Variants in THBS2 observed in about 807,000 individuals in gnomAD.
THBS2 encodes thrombospondin-2.
In THBS2, 47 loss-of-function variants were observed where a neutral mutation model predicts 135.2. That is an observed-to-expected ratio of 0.35 (90% confidence interval 0.28 to 0.44). THBS2 has a LOEUF of 0.44. THBS2 is among the 20% of genes least tolerant of loss of function. THBS2 has a pLI of 1.00. For synonymous variants in THBS2, 639 were observed against 633.8 expected, an observed-to-expected ratio of 1.01 and a Z score of -0.12; for missense variants, 1,288 against 1,603.1, an observed-to-expected ratio of 0.80 and a Z score of 3.36.
rs541984249 is a variant in THBS2 at position 169,237,819 on chromosome 6, G to C, written c.1130-24C>G. The C allele has an allele frequency of 6.1e-5, 98 of 1,600,662 alleles. No homozygotes were observed. In the East Asian group the frequency reaches 1.9e-3, roughly 32 times the overall value. Reference sequence around the variant, plus strand: ...CGCTGCCAGAGGAAGCAAACACGGTGGCATCAGGCCCTGCCTCACAGACGT... The same window carrying C: ...CGCTGCCAGAGGAAGCAAACACGGTCGCATCAGGCCCTGCCTCACAGACGT... On this transcript the variant is annotated intron_variant, in intron 7 of 21. Coordinates refer to ENST00000617924, the MANE Select transcript of THBS2 (RefSeq NM_003247.5).
rs1205440140 is a variant in THBS2, at chr6:169,222,269, C to T, written c.3201G>A (p.Val1067=). The part of the protein sequence containing the change: ...AYGYSGVSLK[V]VNSTTGTGEH... ...CGCCCGTCCCCGTGGTGGAGTTCAC[C>T]ACCTTGAGGGACACGCCGGAGTAGC... is the stretch of plus-strand genomic sequence containing the variant. Residue 1067 remains valine (V), a synonymous_variant, in exon 19 of 22, where the codon GTG becomes GTA. Transcript: ENST00000617924. 1.9e-6 allele frequency: 3 copies of T among 1,613,278 alleles called. No homozygotes were observed. The highest frequency in any genetic ancestry group is 1.7e-6 in the Non-Finnish European group (2 of 1,180,028).
Position 169,228,279 on chromosome 6 carries a change from G to C in THBS2, c.2262C>G (p.Asp754Glu). 6.2e-7 allele frequency: 1 copy of C among 1,614,026 alleles called. No individual in the cohort carries two copies. Among genetic ancestry groups the C allele is most frequent in the Non-Finnish European group, 8.5e-7 (1 of 1,179,968 alleles). ...GGGGATTGAAGAGGAGCTGGCAGTT[G>C]TCCTGGAAAACCAAGAAAGGGAAGA... ...DDNDGVTDEK[D>E]NCQLLFNPRQ... Residue 754 changes from aspartate to glutamate, a missense_variant and splice_region_variant, in exon 15 of 22, where the codon GAC (aspartate) becomes GAG (glutamate). By Grantham distance (45) the Asp-to-Glu change is conservative. Transcript: ENST00000617924.
chr6:169,248,129 GTA>G (rs753930268), intron 3 of THBS2, among the ~76,000 whole-genome samples: 13 of 151,632 alleles, frequency 8.6e-5, no homozygotes, highest in Non-Finnish European at 1.5e-4. Context: ...CAGTGTTTGT[GTA>G]TATGTCTTTG....
Position 169,250,867 on chromosome 6 carries a change from G to C in THBS2, c.-22-61C>G, listed in dbSNP as rs1268775845. ...CACAGCTGCAACCCTGCCTGTGAGC[G>C]AGACTGGCCCAGTGACTCACATGAC... On this transcript the variant is annotated intron_variant, in intron 1 of 21. Coordinates refer to ENST00000617924, the MANE Select transcript of THBS2 (RefSeq NM_003247.5). 1.4e-5 allele frequency: 17 copies of C among 1,206,200 alleles called. No individual in the cohort carries two copies. The Admixed American group carries it at 3.3e-4, about 23-fold the overall frequency. The allele number at this position is 1,206,200 out of a possible 1,614,324, so 74.7% of individuals were successfully genotyped here.
rs918588908 is a variant in THBS2, at chr6:169,217,291, C to T, written c.*531G>A. 2.6e-5 allele frequency: 4 copies of T among 152,894 alleles called. No individual in the cohort carries two copies. Among genetic ancestry groups the T allele is most frequent in the Non-Finnish European group, 5.8e-5 (4 of 68,568 alleles). 9.5% of individuals were successfully genotyped at this position (152,894 alleles called of 1,614,324 possible). A position where few individuals can be genotyped will look rare whatever the true frequency, so the allele number is the denominator to read the frequency against. On this transcript the variant is annotated 3_prime_UTR_variant, in exon 22 of 22. Transcript: ENST00000617924. ...GTCTTCTAATCTCTCCTTACTAAAA[C>T]ATTACTTCAAATTTGAATTGACCCT...
intron 3 of THBS2, among the ~76,000 whole-genome samples, chr6:169,247,243 GT>G (rs1780581398): frequency 6.6e-6 from 1 of 152,150 alleles, no homozygotes; most frequent in Non-Finnish European, 1.5e-5. Context: ...GGCGTGCGTT[GT>G]GTGTGTGTGC....
At chr6:169,245,269 A>C (rs1780502567) in intron 4 of THBS2, among the ~76,000 whole-genome samples, 1 of 152,196 alleles carries the variant, frequency 6.6e-6, no homozygotes, top group Non-Finnish European at 1.5e-5. Flanking sequence ...TAAAATGAAG[A>C]AAGTGAAAGT....
chr6:169,222,242 C>T lies in THBS2; in HGVS notation c.3228G>A (p.Glu1076=). The T allele has an allele frequency of 9.3e-6, 15 of 1,613,044 alleles. No homozygotes were observed. The highest frequency in any genetic ancestry group is 1.3e-5 in the Non-Finnish European group (15 of 1,179,978). Residue 1076 remains glutamate (E), a synonymous_variant, in exon 19 of 22, where the codon GAG becomes GAA. Coordinates refer to ENST00000617924, the MANE Select transcript of THBS2 (RefSeq NM_003247.5). The part of the protein sequence containing the change: ...KVVNSTTGTG[E]HLRNALWHTG... ...TGTGCCACAGCGCGTTCCTCAGGTG[C>T]TCGCCCGTCCCCGTGGTGGAGTTCA...
chr6:169,222,531 A>G (rs1165916279), intron 18 of THBS2, 63 bp from the exon 19 acceptor site: 25 of 1,553,406 alleles, frequency 1.6e-5, no homozygotes, highest in Non-Finnish European at 2.1e-5. Context: ...GTAGTGACTC[A>G]TGCCTGTAAT....
rs1780663541 is a variant in THBS2 at position 169,248,991 on chromosome 6, G to A, written c.53-18C>T. The A allele has an allele frequency of 6.3e-7, 1 of 1,578,448 alleles. No individual in the cohort carries two copies. The highest frequency in any genetic ancestry group is 8.6e-7 in the Non-Finnish European group (1 of 1,158,228). ...GTGACCAGCTGCAAAGGGAACCGCAGTGGAGAAGGGTGACGTAGGGGAAGA... is the reference window on the plus strand; with the variant it reads ...GTGACCAGCTGCAAAGGGAACCGCAATGGAGAAGGGTGACGTAGGGGAAGA... On this transcript the variant is annotated intron_variant, in intron 2 of 21. Coordinates refer to ENST00000617924, the MANE Select transcript of THBS2 (RefSeq NM_003247.5).
intron 11 of THBS2, 33 bp downstream of exon 11, chr6:169,232,857 A>G: frequency 6.2e-7 from 1 of 1,606,162 alleles, no homozygotes; most frequent in Non-Finnish European, 8.5e-7. Flanking sequence ...TCCCGACCTC[A>G]GGGCGCCCAC....
chr6:169,237,508 C>G (rs1780139971), intron 8 of THBS2, 117 bp downstream of exon 8: 1 of 1,533,980 alleles, frequency 6.5e-7, no homozygotes, highest in South Asian at 1.1e-5. Flanking sequence ...GGCTAGAATC[C>G]TTGCAAAGGC....
At chr6:169,242,437 C>G (rs1001304990) in intron 4 of THBS2, among the ~76,000 whole-genome samples, 6 of 151,842 alleles carry the variant, frequency 4.0e-5, no homozygotes, top group Non-Finnish European at 7.4e-5. Context: ...TTTTTCATCC[C>G]CAAACACCCT....
chr6:169,231,892 C>T, intron 13 of THBS2, 88 bp downstream of exon 13: 2 of 1,456,176 alleles, frequency 1.4e-6, no homozygotes, highest in Non-Finnish European at 1.9e-6. Flanking sequence ...CCTGTGCTGC[C>T]CCCGCCCCCC....
intron 18 of THBS2, 29 bp downstream of exon 18, chr6:169,223,215 TGCTG>T: frequency 6.3e-7 from 1 of 1,594,398 alleles, no homozygotes; most frequent in Non-Finnish European, 8.6e-7. Context: ...CCCGGAGAAA[TGCTG>T]GCACCACCGC....
chr6:169,238,811 A>T (rs1028701104), intron 7 of THBS2, among the ~76,000 whole-genome samples: 15 of 152,134 alleles, frequency 9.9e-5, no homozygotes, highest in African/African-American at 3.6e-4. Flanking sequence ...GGCCACAGGG[A>T]CATTCTGGGA....
intron 6 of THBS2, 30 bp downstream of exon 6, chr6:169,240,422 T>C (rs1207376478): frequency 6.2e-7 from 1 of 1,608,442 alleles, no homozygotes; most frequent in South Asian, 1.1e-5. Context: ...GGTGGCCTCT[T>C]CCCCCAAGAG....
chr6:169,225,074 A>T lies in THBS2; in HGVS notation c.2773+71T>A, dbSNP rs1005964471. 1.9e-5 allele frequency: 27 copies of T among 1,439,352 alleles called. No homozygotes were observed. In the African/African-American group the frequency reaches 3.4e-4, roughly 18 times the overall value. 89.2% of individuals were successfully genotyped at this position (1,439,352 alleles called of 1,614,324 possible). A position where few individuals can be genotyped will look rare whatever the true frequency, so the allele number is the denominator to read the frequency against. ...CAGATTTAAGATGATCTCCGTGCAT[A>T]CATATCTCTGCCCTGGCGGGTTGCT... On this transcript the variant is annotated intron_variant, in intron 17 of 21. Coordinates refer to ENST00000617924, the MANE Select transcript of THBS2 (RefSeq NM_003247.5).
At chr6:169,238,018 GA>G (rs1780165872) in intron 7 of THBS2, among the ~76,000 whole-genome samples, 4 of 152,214 alleles carry the variant, frequency 2.6e-5, no homozygotes, top group Admixed American at 2.6e-4. Context: ...CCTTTCAAGA[GA>G]AGAGCAAAAA....
Sources: gnomAD v4.1 joint callset for allele counts (sites outside exome capture counted in the v4.1 genomes callset) on GRCh38, gnomAD v4.1.1 for gene constraint, MANE v1.5 for transcripts, NCBI Gene and HGNC (gene_info 2026-07-23, HGNC 2026-07-21) for gene names.